The following TMEFF2 variants were observed in gnomAD, a reference collection of about 807,000 sequenced individuals.
TMEFF2 encodes the protein tomoregulin-2.
A neutral mutation model predicts 53.8 loss-of-function variants in TMEFF2; 28 were observed. That is an observed-to-expected ratio of 0.52 (90% CI 0.39 to 0.71). The LOEUF (loss-of-function observed/expected upper bound fraction) is 0.71, where lower values mean the gene tolerates loss of function less well. TMEFF2 is among the 30% of genes least tolerant of loss of function. The pLI is 0.00. For missense variants in TMEFF2, 353 were observed against 455.2 expected, an observed-to-expected ratio of 0.78 and a Z score of 2.04; for synonymous variants, 162 against 166.3, an observed-to-expected ratio of 0.97 and a Z score of 0.20.
At chr2:192,047,931 C>T (rs1161836546) in intron 5 of TMEFF2, among the ~76,000 whole-genome samples, 1 of 152,094 alleles carries the variant, frequency 6.6e-6, no homozygotes, top group African/African-American at 2.4e-5. Flanking sequence ...CAGTTTCTAC[C>T]CGATTTAATA....
At chr2:191,961,210 A>G (rs1425253440) in intron 7 of TMEFF2, among the ~76,000 whole-genome samples, 2 of 152,166 alleles carry the variant, frequency 1.3e-5, no homozygotes, top group Non-Finnish European at 2.9e-5. Context: ...GACCTTTACT[A>G]TGTAATGTAT....
chr2:191,983,080 G>A (rs1685891660), intron 7 of TMEFF2, among the ~76,000 whole-genome samples: 1 of 152,056 alleles, frequency 6.6e-6, no homozygotes. Flanking sequence ...CTATTTGACA[G>A]TTTCAAAAAC....
At chr2:192,112,019 G>A (rs1689290751) in intron 4 of TMEFF2, among the ~76,000 whole-genome samples, 1 of 152,238 alleles carries the variant, frequency 6.6e-6, no homozygotes, top group Admixed American at 6.5e-5. Context: ...GCAGAAGCCT[G>A]CTGCATGGAT....
chr2:192,135,808 C>T (rs10177829), intron 4 of TMEFF2, among the ~76,000 whole-genome samples: 64,030 of 150,342 alleles, frequency 0.43, 14,290 homozygotes, highest in East Asian at 0.79. Context: ...ACTGATGACA[C>T]TCCACCACTG....
chr2:192,091,887 C>T (rs896715105), intron 4 of TMEFF2, among the ~76,000 whole-genome samples: 1 of 151,952 alleles, frequency 6.6e-6, no homozygotes, highest in Non-Finnish European at 1.5e-5. Flanking sequence ...GTGCTGAAAC[C>T]CTGTCCTCAC....
chr2:192,125,995 G>A (rs1020551316), intron 4 of TMEFF2, among the ~76,000 whole-genome samples: 1 of 152,146 alleles, frequency 6.6e-6, no homozygotes, highest in South Asian at 2.1e-4. Context: ...TAACAAACCC[G>A]CACATCCTGC....
At chr2:192,003,798 G>C (rs1386247191) in intron 5 of TMEFF2, among the ~76,000 whole-genome samples, 1 of 152,076 alleles carries the variant, frequency 6.6e-6, no homozygotes, top group East Asian at 1.9e-4. Flanking sequence ...CAAAATTAGA[G>C]AGTTTTAGCA....
chr2:192,087,526 C>T (rs571262965), intron 4 of TMEFF2, among the ~76,000 whole-genome samples: 17 of 152,152 alleles, frequency 1.1e-4, no homozygotes, highest in African/African-American at 3.9e-4. Context: ...GACAGCCCGT[C>T]AAATCTTTGT....
At chr2:192,039,178 T>G (rs73982333) in intron 5 of TMEFF2, among the ~76,000 whole-genome samples, 2,890 of 152,250 alleles carry the variant, frequency 0.019, 86 homozygotes, top group African/African-American at 0.065. Flanking sequence ...GCAGCCTGAT[T>G]ATACTAATGA....
At chr2:192,068,865 A>G (rs554136849) in intron 4 of TMEFF2, among the ~76,000 whole-genome samples, 13 of 152,008 alleles carry the variant, frequency 8.6e-5, no homozygotes, top group African/African-American at 3.1e-4. Context: ...TAAAAAGCCA[A>G]TTTTAAGAGG....
At chr2:192,112,520 A>T (rs1167818837) in intron 4 of TMEFF2, among the ~76,000 whole-genome samples, 1 of 152,142 alleles carries the variant, frequency 6.6e-6, no homozygotes, top group Non-Finnish European at 1.5e-5. Context: ...TTACAGGCTC[A>T]TAGATGGAGG....
At chr2:192,063,848 T>C (rs1309971076) in intron 4 of TMEFF2, among the ~76,000 whole-genome samples, 1 of 151,790 alleles carries the variant, frequency 6.6e-6, no homozygotes, top group African/African-American at 2.4e-5. Flanking sequence ...GAAATCTACT[T>C]TATTTTGATA....
rs1691980902 is a variant in TMEFF2, at chr2:191,953,989, G to A, written c.870-152C>T. Reference sequence around the variant, plus strand: ...CTGCAAGTTCCGCCTCCGGGTTCACGCCATTCTCCTGCCTCAGCCTCCCGA... The same window carrying A: ...CTGCAAGTTCCGCCTCCGGGTTCACACCATTCTCCTGCCTCAGCCTCCCGA... On this transcript the variant is annotated intron_variant, in intron 8 of 9. Transcript: ENST00000272771. 1.2e-4 allele frequency: 72 copies of A among 597,184 alleles called. No homozygotes were observed. In the South Asian group the frequency reaches 2.2e-3, roughly 18 times the overall value. 37.0% of individuals were successfully genotyped at this position (597,184 alleles called of 1,614,324 possible).
intron 5 of TMEFF2, among the ~76,000 whole-genome samples, chr2:192,009,205 C>A (rs1251427033): frequency 6.6e-6 from 1 of 152,128 alleles, no homozygotes; most frequent in Non-Finnish European, 1.5e-5. Flanking sequence ...TTCCTTTGGT[C>A]TTGGCTCTCA....
At chr2:192,102,498 A>AC (rs1689052359) in intron 4 of TMEFF2, among the ~76,000 whole-genome samples, 1 of 151,896 alleles carries the variant, frequency 6.6e-6, no homozygotes, top group African/African-American at 2.4e-5. Flanking sequence ...TTAAGACAGG[A>AC]CCTTTGCAGT....
At chr2:192,102,976 C>T (rs1689067809) in intron 4 of TMEFF2, among the ~76,000 whole-genome samples, 2 of 151,842 alleles carry the variant, frequency 1.3e-5, no homozygotes, top group South Asian at 4.2e-4. Flanking sequence ...GTGTGGAATA[C>T]TGCATCTGGG....
intron 8 of TMEFF2, among the ~76,000 whole-genome samples, chr2:191,954,688 A>G (rs1015104776): frequency 1.3e-5 from 2 of 152,134 alleles, no homozygotes; most frequent in African/African-American, 4.8e-5. Context: ...TGCTGATGAT[A>G]GAGTCAAATT....
At chr2:191,997,004 T>G (rs1686238365) in intron 7 of TMEFF2, among the ~76,000 whole-genome samples, 1 of 152,126 alleles carries the variant, frequency 6.6e-6, no homozygotes, top group East Asian at 1.9e-4. Context: ...AAGATGTATG[T>G]CTCTTAAATA....
chr2:192,058,225 A>G (rs1417471160), intron 4 of TMEFF2, among the ~76,000 whole-genome samples: 1 of 152,196 alleles, frequency 6.6e-6, no homozygotes, highest in Non-Finnish European at 1.5e-5. Context: ...AAAAATTTAG[A>G]TGAGCATCCC....
Sources: allele counts gnomAD v4.1 joint callset (sites outside exome capture counted in the v4.1 genomes callset), GRCh38; gene constraint gnomAD v4.1.1; transcripts MANE v1.5; gene names NCBI Gene and HGNC (gene_info 2026-07-23, HGNC 2026-07-21).